DPP6: variants seen among roughly 807,000 people sequenced by gnomAD.
DPP6 encodes the protein A-type potassium channel modulatory protein DPP6.
DPP6 carries 69 observed loss-of-function variants against 122.6 expected under a neutral mutation model. The observed-to-expected ratio is 0.56, with a 90% CI of 0.46 to 0.69. DPP6 has a LOEUF of 0.69. Among genes scored for constraint, DPP6 ranks in the 30% least tolerant of loss-of-function variants. DPP6 has a pLI of 0.00. For missense variants in DPP6, 928 were observed against 1,116.9 expected (o/e 0.83, Z 2.41); for synonymous variants, 418 against 433.1 (o/e 0.97, Z 0.43).
chr7:154,588,177 C>G, intron 5 of DPP6: 1 of 1,510,634 alleles, frequency 6.6e-7, no homozygotes, highest in East Asian at 2.3e-5. Flanking sequence ...ACTGCCTTCC[C>G]CATCCTATCC....
chr7:153,930,635 T>C (rs1024921059), intron 1 of DPP6, among the ~76,000 whole-genome samples: 1 of 152,206 alleles, frequency 6.6e-6, no homozygotes, highest in Non-Finnish European at 1.5e-5. Context: ...GAGTAGACTT[T>C]GTGTTCTTAC....
intron 1 of DPP6, among the ~76,000 whole-genome samples, chr7:154,381,052 G>A (rs548118161): frequency 4.6e-5 from 7 of 152,314 alleles, no homozygotes; most frequent in African/African-American, 1.7e-4. Flanking sequence ...TGCCCTGGGC[G>A]TGGGGCTTCT....
At chr7:154,425,604 ATGTGTGTGTGTGTGTGGGTGTGT>A (rs1817822779) in intron 1 of DPP6, among the ~76,000 whole-genome samples, 1 of 128,236 alleles carries the variant, frequency 7.8e-6, no homozygotes. Flanking sequence ...GGGGAAAAAA[ATGTGTGTGTGTGTGTGGGTGTGT>A]GTGTGTGTGT....
intron 1 of DPP6, among the ~76,000 whole-genome samples, chr7:154,422,961 T>C (rs1037544139): frequency 6.6e-6 from 1 of 152,148 alleles, no homozygotes; most frequent in African/African-American, 2.4e-5. Flanking sequence ...AATATCTAGC[T>C]GTGTTGAAGC....
intron 1 of DPP6, among the ~76,000 whole-genome samples, chr7:154,006,901 T>A (rs1367466575): frequency 6.6e-6 from 1 of 152,224 alleles, no homozygotes; most frequent in Non-Finnish European, 1.5e-5. Flanking sequence ...TATAGCAGCT[T>A]GGCTTTTTTT....
At chr7:153,782,512 C>T in the DPP6 span, among the ~76,000 whole-genome samples, 1 of 152,152 alleles carries the variant, frequency 6.6e-6, no homozygotes. Flanking sequence ...GAGACTTAAG[C>T]AGTTATGTGA....
At chr7:154,745,470 C>T (rs539809377) in intron 8 of DPP6, among the ~76,000 whole-genome samples, 4 of 152,280 alleles carry the variant, frequency 2.6e-5, no homozygotes, top group Non-Finnish European at 4.4e-5. Flanking sequence ...TAGTAACACC[C>T]GGCCTTCCCA....
upstream of DPP6, among the ~76,000 whole-genome samples, chr7:153,882,447 T>C (rs1200512364): frequency 6.6e-6 from 1 of 152,222 alleles, no homozygotes; most frequent in Non-Finnish European, 1.5e-5. Context: ...GTTAAACTTC[T>C]AGTAATAAGC....
chr7:154,045,573 G>A (rs1799979388), intron 1 of DPP6, among the ~76,000 whole-genome samples: 2 of 152,306 alleles, frequency 1.3e-5, no homozygotes, highest in South Asian at 4.1e-4. Context: ...CTCTTTGAAA[G>A]CCACTGTATG....
At chr7:154,519,992 A>T (rs1050757252) in intron 3 of DPP6, among the ~76,000 whole-genome samples, 2 of 152,154 alleles carry the variant, frequency 1.3e-5, no homozygotes, top group African/African-American at 4.8e-5. Flanking sequence ...CTTTCAGAAA[A>T]ATAAGGTATT....
intron 1 of DPP6, among the ~76,000 whole-genome samples, chr7:154,045,211 A>AC (rs1799961289): frequency 2.0e-5 from 3 of 151,660 alleles, no homozygotes; most frequent in Middle Eastern, 3.4e-3. Context: ...TAAAAAAAAA[A>AC]AAAACACTCC....
At chr7:154,566,438 C>A (rs138000276) in intron 4 of DPP6, among the ~76,000 whole-genome samples, 1 of 152,182 alleles carries the variant, frequency 6.6e-6, no homozygotes, top group East Asian at 1.9e-4. Flanking sequence ...TGCACTACCA[C>A]ACCTAGCTAA....
chr7:154,605,851 T>A (rs1382169378), intron 5 of DPP6, among the ~76,000 whole-genome samples: 1 of 120,000 alleles, frequency 8.3e-6, no homozygotes, highest in Non-Finnish European at 1.9e-5. Context: ...TCTATTATTT[T>A]AGCTGGATCT....
chr7:154,166,286 T>C (rs947640369), intron 1 of DPP6, among the ~76,000 whole-genome samples: 1 of 152,136 alleles, frequency 6.6e-6, no homozygotes, highest in Non-Finnish European at 1.5e-5. Context: ...TCTGGAGCTG[T>C]GACGTTCTTG....
intron 1 of DPP6, among the ~76,000 whole-genome samples, chr7:154,307,561 C>A (rs1322419947): frequency 6.6e-6 from 1 of 151,324 alleles, no homozygotes; most frequent in Non-Finnish European, 1.5e-5. Context: ...GGGGTGAAGA[C>A]CCCACATTTC....
intron 1 of DPP6, among the ~76,000 whole-genome samples, chr7:154,354,939 T>A (rs1422226277): frequency 6.6e-6 from 1 of 152,108 alleles, no homozygotes; most frequent in Non-Finnish European, 1.5e-5. Context: ...ATTTCCAGAG[T>A]AGTTGCACCA....
intron 1 of DPP6, among the ~76,000 whole-genome samples, chr7:153,966,188 A>G (rs39176): frequency 0.75 from 99,722 of 133,786 alleles, 37,895 homozygotes; most frequent in East Asian, 1. Flanking sequence ...AATCTTTCAC[A>G]TTGTGAGCTG....
intron 8 of DPP6, among the ~76,000 whole-genome samples, chr7:154,764,405 C>G (rs1308134184): frequency 6.6e-6 from 1 of 152,084 alleles, no homozygotes; most frequent in Non-Finnish European, 1.5e-5. Context: ...TGGTCATACC[C>G]TTTCTCCTTA....
At chr7:154,125,797 A>G (rs1483976539) in intron 1 of DPP6, among the ~76,000 whole-genome samples, 2 of 152,184 alleles carry the variant, frequency 1.3e-5, no homozygotes, top group African/African-American at 4.8e-5. Flanking sequence ...CCTAGAGTTA[A>G]TGGGCCACAA....
Sources: allele counts gnomAD v4.1 joint callset (sites outside exome capture counted in the v4.1 genomes callset), GRCh38; gene constraint gnomAD v4.1.1; transcripts MANE v1.5; gene names NCBI Gene and HGNC (gene_info 2026-07-23, HGNC 2026-07-21).